DOCK6: variants seen among roughly 807,000 people sequenced by gnomAD.
DOCK6 encodes the protein dedicator of cytokinesis 6, also known as dedicator of cytokinesis protein 6.
A neutral mutation model predicts 230.3 loss-of-function variants in DOCK6; 167 were observed. That is an observed-to-expected ratio of 0.73 (90% CI 0.64 to 0.82). DOCK6 has a LOEUF of 0.82. Ranked by LOEUF, DOCK6 falls within the 40% of genes least tolerant of loss-of-function variation. The probability of loss-of-function intolerance (pLI) is 0.00; values close to 1 mark genes in which losing one functional copy is unlikely to be tolerated. For synonymous variants in DOCK6, 1,148 were observed against 1,185.0 expected, an observed-to-expected ratio of 0.97 and a Z score of 0.64; for missense variants, 2,598 against 2,825.8, an observed-to-expected ratio of 0.92 and a Z score of 1.83.
In DOCK6 at chr19:11,239,650, G is replaced by A. The variant is rs59168178; in HGVS notation, c.1644-1346C>T. The A allele has an allele frequency of 4.8e-3, 7,768 of 1,613,662 alleles. 290 individuals carry two copies. The African/African-American group carries it at 0.087, about 18-fold the overall frequency. ...TAGACCCTCAGTCATGCCAGTGCCTGCTCTGTGCCTGCTCTGGGCCCTGGC... is the reference window on the plus strand; with the variant it reads ...TAGACCCTCAGTCATGCCAGTGCCTACTCTGTGCCTGCTCTGGGCCCTGGC... On this transcript the variant is annotated intron_variant, in intron 14 of 47. Coordinates refer to ENST00000294618, the MANE Select transcript of DOCK6 (RefSeq NM_020812.4).
chr19:11,236,964 G>T lies in DOCK6; in HGVS notation c.2074-85C>A. ...CAGCGGCCCCAGCCATTGCGACACT[G>T]CAGCGTGAGTGTAGCCCGGTCTGGG... On this transcript the variant is annotated intron_variant, in intron 18 of 47. Coordinates refer to ENST00000294618, the MANE Select transcript of DOCK6 (RefSeq NM_020812.4). This position sits in a 1 kb window ranked among gnomAD's most constrained non-coding sequence, Gnocchi z 5.2. The T allele has an allele frequency of 7.3e-7, 1 of 1,377,082 alleles. No individual in the cohort carries two copies. Among genetic ancestry groups the T allele is most frequent in the Non-Finnish European group, 9.9e-7 (1 of 1,012,072 alleles). The allele number at this position is 1,377,082 out of a possible 1,614,324, so 85.3% of individuals were successfully genotyped here.
At chr19:11,227,511 T>G in intron 23 of DOCK6, 34 bp from the exon 24 acceptor site, 1 of 1,545,650 alleles carries the variant, frequency 6.5e-7, no homozygotes, top group South Asian at 1.2e-5. Flanking sequence ...TGGGTGGGAT[T>G]TGAAGGGCTG....
In DOCK6 at chr19:11,211,891, C is replaced by T. The variant is rs780171914; in HGVS notation, c.4651-15G>A. The stretch of plus-strand genomic sequence containing the variant: ...AGGTCCTGGACCTGGAGCCGGGGAA[C>T]GTCCAGGGGCCAATGAGAGCATTAG... On this transcript the variant is annotated splice_polypyrimidine_tract_variant and intron_variant, in intron 36 of 47. Transcript: ENST00000294618. 39 of 1,550,784 alleles carry T rather than the reference C, an allele frequency of 2.5e-5. No individual in the cohort carries two copies. In the East Asian group the frequency reaches 4.9e-4, roughly 19 times the overall value.
At position 11,234,771 on chromosome 19, in the gene DOCK6, C is replaced by A. The variant is rs576107650; in HGVS notation, c.2554+827G>T. 2.1e-4 allele frequency among the ~76,000 whole-genome samples: 32 copies of A among 152,280 alleles called. 1 individual carries two copies. The East Asian group carries it at 3.7e-3, about 17-fold the overall frequency. On this transcript the variant is annotated intron_variant, in intron 21 of 47. Coordinates refer to ENST00000294618, the MANE Select transcript of DOCK6 (RefSeq NM_020812.4). ...GCTACTGAAGAGGCTTGCTGACTAT[C>A]TGAATCGTTTTCCAGCCAAGCACAC... is the stretch of plus-strand genomic sequence containing the variant.
intron 7 of DOCK6, 133 bp from the exon 8 acceptor site, chr19:11,246,011 G>A: frequency 1.0e-6 from 1 of 997,232 alleles, no homozygotes; most frequent in Non-Finnish European, 1.5e-6. Context: ...TTAAGGGCTT[G>A]CAGAAAAGGT....
rs1238857278 is a variant in DOCK6 at position 11,214,424 on chromosome 19, G to T, written c.4204-15C>A. On this transcript the variant is annotated splice_polypyrimidine_tract_variant and intron_variant, in intron 33 of 47. Coordinates refer to ENST00000294618, the MANE Select transcript of DOCK6 (RefSeq NM_020812.4). Reference sequence around the variant, plus strand: ...AGCATCACCGTCTGGAGGGAAGGGGGTCAGAAATCCAGGTGTTAGAGCCTA... The same window carrying T: ...AGCATCACCGTCTGGAGGGAAGGGGTTCAGAAATCCAGGTGTTAGAGCCTA... 1.2e-6 allele frequency: 2 copies of T among 1,613,636 alleles called. No homozygotes were observed. The highest frequency in any genetic ancestry group is 1.1e-5 in the South Asian group (1 of 91,084).
At chr19:11,245,954 C>CA in intron 7 of DOCK6, 76 bp from the exon 8 acceptor site, 1 of 1,515,554 alleles carries the variant, frequency 6.6e-7, no homozygotes, top group Non-Finnish European at 9.0e-7. Context: ...TCTTGAGGCC[C>CA]AAGGTGGGGG....
chr19:11,206,789 G>C (rs890258660), intron 39 of DOCK6, among the ~76,000 whole-genome samples: 1 of 151,740 alleles, frequency 6.6e-6, no homozygotes, highest in African/African-American at 2.4e-5. Context: ...GGTTGCACAG[G>C]GGGTACTTGT....
intron 32 of DOCK6, 127 bp from the exon 33 acceptor site, chr19:11,214,776 T>G: frequency 2.5e-6 from 2 of 812,324 alleles, no homozygotes; most frequent in South Asian, 1.8e-5. Context: ...TTTTTGTTTT[T>G]GTTTTTTTTG....
intron 39 of DOCK6, among the ~76,000 whole-genome samples, chr19:11,207,955 T>C (rs889157057): frequency 3.3e-5 from 5 of 150,880 alleles, no homozygotes; most frequent in African/African-American, 9.7e-5. Context: ...AGAAAAAATA[T>C]ATATAATAAT....
In DOCK6 at chr19:11,202,275, G is replaced by T; in HGVS notation, c.5451+119C>A. 7.1e-7 allele frequency: 1 copy of T among 1,402,512 alleles called. No individual in the cohort carries two copies. The highest frequency in any genetic ancestry group is 2.5e-5 in the East Asian group (1 of 40,324). The allele number at this position is 1,402,512 out of a possible 1,614,324, so 86.9% of individuals were successfully genotyped here. A position where few individuals can be genotyped will look rare whatever the true frequency, so the allele number is the denominator to read the frequency against. ...AATCCCCTGAGGAATAGGTTTTGGG[G>T]TCCCTCAGTGAAATATGATTTGGGG... On this transcript the variant is annotated intron_variant, in intron 43 of 47. Coordinates refer to ENST00000294618, the MANE Select transcript of DOCK6 (RefSeq NM_020812.4). This position sits in a 1 kb window ranked among gnomAD's most constrained non-coding sequence, Gnocchi z 5.3.
chr19:11,253,781 G>T, intron 1 of DOCK6, 55 bp from the exon 2 acceptor site: 1 of 1,222,198 alleles, frequency 8.2e-7, no homozygotes, highest in African/African-American at 1.6e-5. Context: ...CAGCGGAGCG[G>T]ACAGATTCTT....
At position 11,209,012 on chromosome 19, in the gene DOCK6, C is replaced by G; in HGVS notation, c.4843G>C (p.Glu1615Gln). 6.2e-7 allele frequency: 1 copy of G among 1,611,602 alleles called. No individual in the cohort carries two copies. The highest frequency in any genetic ancestry group is 8.5e-7 in the Non-Finnish European group (1 of 1,179,152). The change falls in exon 38 of 48, where the codon GAG becomes CAG. Residue 1615 changes from glutamate (E) to glutamine (Q), a missense_variant. Glu to Gln is a conservative substitution (Grantham distance 29, BLOSUM62 2). Transcript: ENST00000294618. ...GCGTGCACCATGCACTGGGCGGCCT[C>G]GGCGTGGTTGCCCAGCTCCGCGTGC... The part of the protein sequence containing the change: ...GKHAELGNHA[E>Q]AAQCMVHAAA...
At chr19:11,237,398 G>A in intron 18 of DOCK6, 58 bp downstream of exon 18, 3 of 1,592,832 alleles carry the variant, frequency 1.9e-6, no homozygotes, top group Non-Finnish European at 2.6e-6. Context: ...GAAGGCAGGT[G>A]ACTCGGGAGT....
chr19:11,208,585 CCTT>C (rs2079304323), intron 39 of DOCK6, 98 bp downstream of exon 39: 8 of 1,485,814 alleles, frequency 5.4e-6, no homozygotes, highest in East Asian at 2.4e-5. Flanking sequence ...AGCCTATTCT[CCTT>C]CTTTCTAAAT....
In DOCK6 at chr19:11,204,163, C is replaced by A. The variant is rs190931557; in HGVS notation, c.5220+37G>T. On this transcript the variant is annotated intron_variant, in intron 40 of 47. Transcript: ENST00000294618. ...TGAGGAGTGGGGATGAGGAGTGGGG[C>A]TGAGGGTGGGGTCTGGGGAGGGGGT... is the stretch of plus-strand genomic sequence containing the variant. The A allele has an allele frequency of 4.0e-6, 6 of 1,499,254 alleles. No individual in the cohort carries two copies. In the African/African-American group the frequency reaches 5.9e-5, roughly 15 times the overall value. 92.9% of individuals were successfully genotyped at this position (1,499,254 alleles called of 1,614,324 possible). A position where few individuals can be genotyped will look rare whatever the true frequency, so the allele number is the denominator to read the frequency against.
chr19:11,225,104 TG>T (rs1449938470), intron 24 of DOCK6, among the ~76,000 whole-genome samples: 5 of 151,464 alleles, frequency 3.3e-5, no homozygotes, highest in African/African-American at 4.8e-5. Context: ...GGCGCACCCC[TG>T]TAGTCCCAGC....
chr19:11,228,726 A>AT (rs1324703873), intron 23 of DOCK6: 409 of 438,972 alleles, frequency 9.3e-4, no homozygotes, highest in Middle Eastern at 1.3e-3. Context: ...CTCCTGGCTA[A>AT]TTTTTTTTTG....
Position 11,215,247 on chromosome 19 carries a change from C to T in DOCK6, c.4106+140G>A, listed in dbSNP as rs1050757443. The stretch of plus-strand genomic sequence containing the variant: ...CATGAGCCACTGCGCCCGGCCCATG[C>T]CCGGCTAATTTTTAAATTTTTGGTA... On this transcript the variant is annotated intron_variant, in intron 32 of 47. Coordinates refer to ENST00000294618, the MANE Select transcript of DOCK6 (RefSeq NM_020812.4). The T allele has an allele frequency of 5.1e-5, 35 of 691,896 alleles. 1 individual carries two copies. Among genetic ancestry groups the T allele is most frequent in the Admixed American group, 1.2e-4 (5 of 40,292 alleles). The allele number at this position is 691,896 out of a possible 1,614,324, so 42.9% of individuals were successfully genotyped here.
Sources: gnomAD v4.1 joint callset for allele counts (sites outside exome capture counted in the v4.1 genomes callset) on GRCh38, gnomAD v4.1.1 for gene constraint, Gnocchi (gnomAD v3.1) non-coding constraint, MANE v1.5 for transcripts, NCBI Gene and HGNC (gene_info 2026-07-23, HGNC 2026-07-21) for gene names.